BLTP3B: variants seen among roughly 807,000 people sequenced by gnomAD.
BLTP3B encodes the protein UHRF1 (ICBP90) binding protein 1-like.
chr12:100,041,536 A>G, the BLTP3B span, among the ~76,000 whole-genome samples: 1 of 145,082 alleles, frequency 6.9e-6, no homozygotes, highest in Non-Finnish European at 1.5e-5. Flanking sequence ...TCCTGGGTTC[A>G]AGTGATTCTC....
At chr12:100,047,626 G>T in the BLTP3B span, 1 of 1,607,948 alleles carries the variant, frequency 6.2e-7, no homozygotes, top group Non-Finnish European at 8.5e-7. Flanking sequence ...GTACTACTCC[G>T]GGGACTATCA....
the BLTP3B span, among the ~76,000 whole-genome samples, chr12:100,046,998 CA>C: frequency 4.3e-4 from 65 of 152,164 alleles, 1 homozygote; most frequent in Admixed American, 4.3e-3. Flanking sequence ...ATTTGTACAA[CA>C]GGTACTAAAC....
chr12:100,141,855 G>A, the BLTP3B span, among the ~76,000 whole-genome samples: 2 of 151,868 alleles, frequency 1.3e-5, no homozygotes, highest in South Asian at 4.2e-4. Flanking sequence ...AGAATGACAT[G>A]TCTTGGGTTT....
the BLTP3B span, chr12:100,083,188 A>G: frequency 1.1e-5 from 15 of 1,306,334 alleles, no homozygotes; most frequent in African/African-American, 1.9e-4. Context: ...TTTAACAGTC[A>G]CTCTTTTATT....
the BLTP3B span, among the ~76,000 whole-genome samples, chr12:100,093,526 T>C: frequency 6.6e-6 from 1 of 152,208 alleles, no homozygotes; most frequent in Non-Finnish European, 1.5e-5. Context: ...TGAATAGCAA[T>C]ATTTCAAATT....
chr12:100,095,762 G>A, the BLTP3B span: 2 of 1,613,530 alleles, frequency 1.2e-6, no homozygotes, highest in South Asian at 2.2e-5. Context: ...GCTTTCAACT[G>A]GGAATCAGTC....
the BLTP3B span, among the ~76,000 whole-genome samples, chr12:100,125,679 T>C: frequency 3.9e-5 from 6 of 152,140 alleles, no homozygotes; most frequent in South Asian, 2.1e-4. Flanking sequence ...CCAGATTTTA[T>C]TGAAATATCA....
At chr12:100,070,265 A>G in the BLTP3B span, 1 of 1,369,658 alleles carries the variant, frequency 7.3e-7, no homozygotes, top group Non-Finnish European at 9.5e-7. Context: ...TAAATGCCAG[A>G]AGGTTTTTTA....
At chr12:100,050,914 A>G in the BLTP3B span, among the ~76,000 whole-genome samples, 1 of 152,232 alleles carries the variant, frequency 6.6e-6, no homozygotes, top group Non-Finnish European at 1.5e-5. Context: ...AATCAAAGGA[A>G]AAACGATTGG....
the BLTP3B span, chr12:100,084,635 A>G: frequency 3.7e-6 from 6 of 1,614,038 alleles, no homozygotes; most frequent in South Asian, 6.6e-5. Context: ...TCACTAAAAT[A>G]CATCCAATGA....
At chr12:100,127,282 A>C in the BLTP3B span, among the ~76,000 whole-genome samples, 5 of 152,222 alleles carry the variant, frequency 3.3e-5, no homozygotes, top group Admixed American at 3.3e-4. Context: ...AAAGCTTGGC[A>C]CCTTTCCCTT....
the BLTP3B span, among the ~76,000 whole-genome samples, chr12:100,140,311 A>T: frequency 6.6e-6 from 1 of 152,124 alleles, no homozygotes. Flanking sequence ...AATATGAAAT[A>T]ACTGAAAACT....
the BLTP3B span, among the ~76,000 whole-genome samples, chr12:100,098,752 A>C: frequency 6.6e-6 from 1 of 150,564 alleles, no homozygotes; most frequent in Non-Finnish European, 1.5e-5. Context: ...AAAAAAAAAC[A>C]CAAAAAATTA....
chr12:100,079,824 T>A, the BLTP3B span, among the ~76,000 whole-genome samples: 1 of 152,206 alleles, frequency 6.6e-6, no homozygotes, highest in Non-Finnish European at 1.5e-5. Flanking sequence ...CCAGGCTCCC[T>A]GTGCTATGTG....
chr12:100,109,474 G>T, the BLTP3B span, among the ~76,000 whole-genome samples: 2 of 152,066 alleles, frequency 1.3e-5, no homozygotes, highest in South Asian at 4.1e-4. Flanking sequence ...ACAAAGAAAT[G>T]ATAAAGGCAG....
the BLTP3B span, among the ~76,000 whole-genome samples, chr12:100,056,449 T>C: frequency 6.6e-6 from 1 of 152,066 alleles, no homozygotes; most frequent in Non-Finnish European, 1.5e-5. Flanking sequence ...ACATATTATA[T>C]TATTACTTAT....
the BLTP3B span, among the ~76,000 whole-genome samples, chr12:100,043,050 C>T: frequency 6.6e-6 from 1 of 152,210 alleles, no homozygotes; most frequent in African/African-American, 2.4e-5. Context: ...CCATCTGCCT[C>T]AGCCTCCCAA....
the BLTP3B span, among the ~76,000 whole-genome samples, chr12:100,064,217 A>T: frequency 5.3e-5 from 8 of 152,200 alleles, no homozygotes. Context: ...CTTTGAATTA[A>T]CCCAATCCGA....
the BLTP3B span, chr12:100,051,236 A>G: frequency 6.2e-7 from 1 of 1,606,684 alleles, no homozygotes; most frequent in Admixed American, 1.7e-5. Context: ...AATAACACAA[A>G]AGTAAATTAA....
Sources: gnomAD v4.1 joint callset for allele counts (sites outside exome capture counted in the v4.1 genomes callset) on GRCh38, gnomAD v4.1.1 for gene constraint, MANE v1.5 for transcripts, NCBI Gene and HGNC (gene_info 2026-07-23, HGNC 2026-07-21) for gene names.